SLC25A21: variants seen among roughly 807,000 people sequenced by gnomAD.
The protein encoded by SLC25A21 is solute carrier family 25 member 21, also known as mitochondrial 2-oxodicarboxylate carrier.
Under a neutral mutation model 43.8 loss-of-function variants are expected in SLC25A21, and 47 were observed. The ratio of observed to expected loss-of-function variants is 1.07; its 90% CI spans 0.85 to 1.37. The LOEUF (loss-of-function observed/expected upper bound fraction) is 1.37. Among genes scored for constraint, SLC25A21 ranks in the 40% most tolerant of loss-of-function variants. SLC25A21 has a pLI of 0.00. For synonymous variants in SLC25A21, 131 were observed against 121.3 expected, an observed-to-expected ratio of 1.08 and a Z score of -0.52; for missense variants, 352 against 350.2, an observed-to-expected ratio of 1.00 and a Z score of -0.04.
At chr14:36,944,390 G>A (rs567574389) in intron 1 of SLC25A21, among the ~76,000 whole-genome samples, 7 of 152,282 alleles carry the variant, frequency 4.6e-5, no homozygotes, top group Admixed American at 6.5e-5. Flanking sequence ...CAGGTTGCGG[G>A]TGGAGGGCAT....
intron 2 of SLC25A21, among the ~76,000 whole-genome samples, chr14:36,839,135 G>C (rs994874038): frequency 1.3e-5 from 2 of 152,142 alleles, no homozygotes; most frequent in African/African-American, 4.8e-5. Context: ...CCATATGAAG[G>C]TTATTAAAAT....
At chr14:36,768,217 C>T (rs991707488) in intron 3 of SLC25A21, among the ~76,000 whole-genome samples, 5 of 152,048 alleles carry the variant, frequency 3.3e-5, no homozygotes, top group African/African-American at 1.2e-4. Flanking sequence ...AACTTGTTGA[C>T]CAAGAGAGGG....
chr14:37,154,754 T>C (rs1963819075), intron 1 of SLC25A21, among the ~76,000 whole-genome samples: 1 of 151,832 alleles, frequency 6.6e-6, no homozygotes, highest in South Asian at 2.1e-4. Flanking sequence ...GCGATTCTCC[T>C]GCCTCAGCCT....
intron 1 of SLC25A21, among the ~76,000 whole-genome samples, chr14:37,091,884 T>C (rs1962593644): frequency 6.6e-6 from 1 of 152,178 alleles, no homozygotes; most frequent in South Asian, 2.1e-4. Flanking sequence ...TCCTAGTACT[T>C]TGGGAGGCCA....
At chr14:37,000,799 T>G (rs1489723270) in intron 1 of SLC25A21, among the ~76,000 whole-genome samples, 4 of 151,808 alleles carry the variant, frequency 2.6e-5, no homozygotes, top group African/African-American at 9.7e-5. Flanking sequence ...ACTTCCTTTT[T>G]CACTGCCTCG....
At chr14:37,148,573 C>A (rs901373903) in intron 1 of SLC25A21, among the ~76,000 whole-genome samples, 7 of 152,138 alleles carry the variant, frequency 4.6e-5, no homozygotes, top group Non-Finnish European at 8.8e-5. Flanking sequence ...TTTACTTCTG[C>A]CATATTTCTA....
At chr14:36,781,266 G>GT (rs1019933038) in intron 3 of SLC25A21, among the ~76,000 whole-genome samples, 2 of 152,140 alleles carry the variant, frequency 1.3e-5, no homozygotes, top group South Asian at 2.1e-4. Context: ...TTATTTTATA[G>GT]TTTTTTTAAA....
intron 1 of SLC25A21, among the ~76,000 whole-genome samples, chr14:36,983,993 G>A (rs1178530318): frequency 1.3e-5 from 2 of 152,212 alleles, no homozygotes; most frequent in Middle Eastern, 3.4e-3. Flanking sequence ...CTCCAAAAGG[G>A]TGAAGGGAGT....
chr14:36,705,772 G>T (rs925177601), intron 7 of SLC25A21, among the ~76,000 whole-genome samples: 1 of 152,174 alleles, frequency 6.6e-6, no homozygotes, highest in African/African-American at 2.4e-5. Context: ...GCCAGTCAGA[G>T]TGCGTGAAAT....
At chr14:37,005,983 T>C (rs1051009658) in intron 1 of SLC25A21, among the ~76,000 whole-genome samples, 13 of 152,196 alleles carry the variant, frequency 8.5e-5, no homozygotes, top group African/African-American at 2.4e-4. Flanking sequence ...TAACCTCTTT[T>C]TGGACTTCAG....
intron 1 of SLC25A21, among the ~76,000 whole-genome samples, chr14:36,921,038 G>A (rs943404819): frequency 3.3e-5 from 5 of 152,108 alleles, no homozygotes; most frequent in African/African-American, 1.2e-4. Flanking sequence ...TCAATCATAT[G>A]GGAGGGTGGA....
intron 1 of SLC25A21, among the ~76,000 whole-genome samples, chr14:36,942,569 G>T (rs1453789155): frequency 6.6e-6 from 1 of 152,194 alleles, no homozygotes; most frequent in African/African-American, 2.4e-5. Context: ...GCAACCAAAT[G>T]TTATGATTTT....
intron 2 of SLC25A21, among the ~76,000 whole-genome samples, chr14:36,844,339 C>T (rs901539187): frequency 2.0e-5 from 3 of 152,192 alleles, no homozygotes; most frequent in Admixed American, 6.5e-5. Context: ...CTCCTGGTAA[C>T]GTGCTGGCAC....
intron 1 of SLC25A21, among the ~76,000 whole-genome samples, chr14:37,051,037 T>A (rs903942699): frequency 6.6e-5 from 10 of 152,186 alleles, no homozygotes; most frequent in African/African-American, 2.4e-4. Context: ...TCTTTTTCCA[T>A]TGGCCTTAGT....
chr14:37,103,285 A>G (rs925916458), intron 1 of SLC25A21, among the ~76,000 whole-genome samples: 32 of 152,302 alleles, frequency 2.1e-4, no homozygotes, highest in African/African-American at 7.5e-4. Context: ...ATTACACTAA[A>G]TTACACACAG....
intron 1 of SLC25A21, among the ~76,000 whole-genome samples, chr14:37,159,019 T>C (rs1963895405): frequency 6.6e-6 from 1 of 151,638 alleles, no homozygotes; most frequent in African/African-American, 2.4e-5. Flanking sequence ...TGGAAGTAAA[T>C]ATAATTAAAG....
intron 1 of SLC25A21, among the ~76,000 whole-genome samples, chr14:37,171,099 C>A (rs1181206501): frequency 9.9e-6 from 1 of 100,818 alleles, no homozygotes; most frequent in Non-Finnish European, 1.8e-5. Flanking sequence ...GAGACTCCAT[C>A]GAAAAGAAAA....
rs115955637 is a variant in SLC25A21 at position 36,932,385 on chromosome 14, G to A, written c.71-57381C>T. 7.6e-3 allele frequency among the ~76,000 whole-genome samples: 1,155 copies of A among 152,162 alleles called. 11 individuals are homozygous for A. The highest frequency in any genetic ancestry group is 0.026 in the African/African-American group (1,069 of 41,524). On this transcript the variant is annotated intron_variant, in intron 1 of 9. Transcript: ENST00000331299. ...AACCAAGGGATTTACGGTGGAGGTA[G>A]GTTGTCCTATTTAAGCACTTCCTGC...
At chr14:36,913,036 G>T (rs976660246) in intron 1 of SLC25A21, among the ~76,000 whole-genome samples, 1 of 151,968 alleles carries the variant, frequency 6.6e-6, no homozygotes, top group African/African-American at 2.4e-5. Flanking sequence ...CATTGGCTGA[G>T]AGAATTTTTT....
Sources: gnomAD v4.1 joint callset for allele counts (sites outside exome capture counted in the v4.1 genomes callset) on GRCh38, gnomAD v4.1.1 for gene constraint, MANE v1.5 for transcripts, NCBI Gene and HGNC (gene_info 2026-07-23, HGNC 2026-07-21) for gene names.